Variants in RP9 observed in about 807,000 individuals in gnomAD.
RP9 encodes the protein RP9 pre-mRNA splicing factor.
Under a neutral mutation model 32.6 loss-of-function variants are expected in RP9, and 23 were observed. The observed-to-expected ratio is 0.71, with a 90% confidence interval of 0.51 to 1.00. The LOEUF (loss-of-function observed/expected upper bound fraction) is 1.00. Ranked by LOEUF, RP9 falls within the 50% of genes least tolerant of loss-of-function variation. The probability of loss-of-function intolerance (pLI) is 0.00; values close to 1 mark genes in which losing one functional copy is unlikely to be tolerated. For synonymous variants in RP9, 94 were observed against 103.6 expected (o/e 0.91, Z 0.56); for missense variants, 245 against 285.3 (o/e 0.86, Z 1.02).
intron 1 of RP9, 154 bp from the exon 2 acceptor site, chr7:33,100,715 A>T (rs745601220): frequency 5.5e-6 from 4 of 727,872 alleles, no homozygotes; most frequent in Non-Finnish European, 1.0e-5. Flanking sequence ...ACCTGAGAAG[A>T]GCAGAATGCT....
At chr7:33,108,245 G>C (rs1465285859) in intron 1 of RP9, among the ~76,000 whole-genome samples, 1 of 152,226 alleles carries the variant, frequency 6.6e-6, no homozygotes, top group Non-Finnish European at 1.5e-5. Context: ...CTTAGAAAAG[G>C]TTGTTTTATG....
In RP9 at chr7:33,095,331, T is replaced by C; in HGVS notation, c.569A>G (p.Lys190Arg). 1 of 1,612,720 alleles carries C rather than the reference T, an allele frequency of 6.2e-7. No homozygotes were observed. Among genetic ancestry groups the C allele is most frequent in the Non-Finnish European group, 8.5e-7 (1 of 1,179,662 alleles). Reference protein sequence around the residue: ...EGKEKHKKKKKKEKHKKRKKE... With the variant: ...EGKEKHKKKKRKEKHKKRKKE... ...CTTCCTTTTCTTATGCTTTTCTTTC[T>C]TCTTCTTTTTCTTGTGTTTCTCTTT... The change falls in exon 6 of 6, where the codon AAG becomes AGG. Residue 190 changes from lysine to arginine, a missense_variant. Physicochemically the swap from Lys to Arg is conservative, Grantham distance 26 (BLOSUM62 2). Transcript: ENST00000297157.
chr7:33,106,505 C>T (rs938251177), intron 1 of RP9, among the ~76,000 whole-genome samples: 4 of 152,014 alleles, frequency 2.6e-5, no homozygotes, highest in African/African-American at 9.7e-5. Context: ...ACTAAGCATT[C>T]GTTTAGCAAA....
intron 3 of RP9, 28 bp from the exon 4 acceptor site, chr7:33,097,390 T>C (rs1394394473): frequency 6.6e-7 from 1 of 1,520,830 alleles, no homozygotes; most frequent in Admixed American, 1.7e-5. Context: ...AATATTTCTG[T>C]AAGATAACAG....
chr7:33,096,485 G>A lies in RP9; in HGVS notation c.467+8C>T, dbSNP rs370324630. ...AAGGGGATATTGTTATCATCAGGAC[G>A]ACCTCACCTTACGTCCTTTTCATGT... On this transcript the variant is annotated splice_region_variant and intron_variant, in intron 5 of 5. Transcript: ENST00000297157. The A allele has an allele frequency of 4.4e-5, 70 of 1,599,364 alleles. No individual in the cohort carries two copies. The African/African-American group carries it at 5.9e-4, about 13-fold the overall frequency.
chr7:33,099,474 C>T (rs750930064), intron 2 of RP9, 38 bp from the exon 3 acceptor site: 38 of 1,613,044 alleles, frequency 2.4e-5, no homozygotes, highest in East Asian at 1.3e-4. Context: ...ATGGCAAGAG[C>T]GCTGGGATTC....
chr7:33,099,814 T>C (rs1788399631), intron 2 of RP9, among the ~76,000 whole-genome samples: 1 of 152,188 alleles, frequency 6.6e-6, no homozygotes, highest in Non-Finnish European at 1.5e-5. Context: ...TGGCCTGTTA[T>C]GCTAGAATAG....
intron 3 of RP9, among the ~76,000 whole-genome samples, chr7:33,097,659 G>A (rs530797086): frequency 1.3e-5 from 2 of 151,928 alleles, no homozygotes; most frequent in East Asian, 1.9e-4. Flanking sequence ...CTGCTCTGTC[G>A]CTCAGGCTGG....
At chr7:33,099,493 T>A in intron 2 of RP9, 57 bp from the exon 3 acceptor site, 1 of 1,607,638 alleles carries the variant, frequency 6.2e-7, no homozygotes, top group Non-Finnish European at 8.5e-7. Context: ...TCTCTCCTGC[T>A]CCCCTTGGAG....
Position 33,100,515 on chromosome 7 carries a change from CA to C in RP9, c.183+15del. 1 of 1,609,990 alleles carries C rather than the reference CA, an allele frequency of 6.2e-7. No individual in the cohort carries two copies. The highest frequency in any genetic ancestry group is 8.5e-7 in the Non-Finnish European group (1 of 1,176,270). ...ATGTCTTGTGGAATAACCAAGAGTA[CA>C]AACTTCACACTAACCTTGATAAGCC... On this transcript the variant is annotated intron_variant, in intron 2 of 5. Transcript: ENST00000297157.
At chr7:33,099,218 A>G (rs1788389346) in intron 3 of RP9, 89 bp downstream of exon 3, 3 of 1,492,138 alleles carry the variant, frequency 2.0e-6, no homozygotes, top group Non-Finnish European at 9.3e-7. Flanking sequence ...GAGGGCTGTG[A>G]TGAGAACAAG....
At chr7:33,102,432 C>T (rs1404162694) in intron 1 of RP9, among the ~76,000 whole-genome samples, 1 of 152,048 alleles carries the variant, frequency 6.6e-6, no homozygotes, top group Non-Finnish European at 1.5e-5. Flanking sequence ...CTGTCTTGGC[C>T]TCCCAAAGTA....
intron 1 of RP9, among the ~76,000 whole-genome samples, chr7:33,107,333 T>C (rs879419934): frequency 6.6e-6 from 1 of 152,202 alleles, no homozygotes; most frequent in Non-Finnish European, 1.5e-5. Flanking sequence ...TGTTCCTCCA[T>C]TTTTTCATCT....
At chr7:33,095,891 G>C (rs1222226468) in intron 5 of RP9, among the ~76,000 whole-genome samples, 2 of 152,002 alleles carry the variant, frequency 1.3e-5, no homozygotes, top group African/African-American at 4.8e-5. Flanking sequence ...GAGTGCAGTG[G>C]TGCAATCATG....
At chr7:33,095,858 G>T (rs950761443) in intron 5 of RP9, among the ~76,000 whole-genome samples, 2 of 151,704 alleles carry the variant, frequency 1.3e-5, no homozygotes, top group African/African-American at 2.4e-5. Context: ...TAGAGACAGG[G>T]TCTTCCTCTG....
chr7:33,099,047 G>A (rs1788385697), intron 3 of RP9: 2 of 555,864 alleles, frequency 3.6e-6, no homozygotes, highest in Admixed American at 6.1e-5. Context: ...CATTCTGTAG[G>A]TTGGAAATCT....
chr7:33,107,791 T>C lies in RP9; in HGVS notation c.152+1430A>G, dbSNP rs3847008. 0.013 allele frequency among the ~76,000 whole-genome samples: 2,006 copies of C among 152,322 alleles called. 91 individuals carry two copies. The East Asian group carries it at 0.17, about 13-fold the overall frequency. On this transcript the variant is annotated intron_variant, in intron 1 of 5. Coordinates refer to ENST00000297157, the MANE Select transcript of RP9 (RefSeq NM_203288.2). ...TAAAAGTAGACAAATTAAACTCTAC[T>C]TGAGCAAAGAACTGTTTTCAAAGAG... is the stretch of plus-strand genomic sequence containing the variant.
rs148135012 is a variant in RP9, at chr7:33,097,782, G to A, written c.314-420C>T. Among the ~76,000 whole-genome samples the A allele has an allele frequency of 3.9e-3, 593 of 152,150 alleles. 5 individuals are homozygous for A. The highest frequency in any genetic ancestry group is 0.014 in the African/African-American group (576 of 41,524). ...TTACAGGTGCGTACCACCACACCCA[G>A]CTAATTTTTGTATTTTTAGCAGAGA... On this transcript the variant is annotated intron_variant, in intron 3 of 5. Transcript: ENST00000297157.
At chr7:33,099,770 TTAAAG>T (rs1162406101) in intron 2 of RP9, among the ~76,000 whole-genome samples, 1 of 152,066 alleles carries the variant, frequency 6.6e-6, no homozygotes, top group East Asian at 1.9e-4. Context: ...AAATATAGAA[TTAAAG>T]TAAACCAGGC....
Sources: allele counts gnomAD v4.1 joint callset (sites outside exome capture counted in the v4.1 genomes callset), GRCh38; gene constraint gnomAD v4.1.1; transcripts MANE v1.5; gene names NCBI Gene and HGNC (gene_info 2026-07-23, HGNC 2026-07-21).